The following CDH23 variants were observed in gnomAD, a reference collection of about 807,000 sequenced individuals.
CDH23 encodes cadherin-23.
In CDH23, 189 loss-of-function variants were observed where a neutral mutation model predicts 317.1. The observed-to-expected ratio is 0.60, with a 90% CI of 0.53 to 0.67. The LOEUF is 0.67. CDH23 is among the 30% of genes least tolerant of loss of function. CDH23 has a pLI of 0.00. For synonymous variants in CDH23, 1,839 were observed against 1,876.8 expected, an observed-to-expected ratio of 0.98 and a Z score of 0.52; for missense variants, 4,401 against 4,592.4, an observed-to-expected ratio of 0.96 and a Z score of 1.20.
At chr10:71,784,805 C>T (rs1321794398) in intron 42 of CDH23, 86 bp from the exon 43 acceptor site, 18 of 1,047,918 alleles carry the variant, frequency 1.7e-5, no homozygotes, top group African/African-American at 1.1e-4. Context: ...CCCTCCATGC[C>T]GCCCTTGGCG....
intron 1 of CDH23, among the ~76,000 whole-genome samples, chr10:71,405,008 G>GCAGAAAGGGAAAACAAAAAGGGCAGC (rs1848030028): frequency 6.6e-6 from 1 of 152,106 alleles, no homozygotes; most frequent in Admixed American, 6.5e-5. Flanking sequence ...GAGTGGGAGG[G>GCAGAAAGGGAAAACAAAAAGGGCAGC]CAGAAAGGGA....
chr10:71,611,391 G>C (rs527581589), intron 9 of CDH23, among the ~76,000 whole-genome samples: 1 of 152,294 alleles, frequency 6.6e-6, no homozygotes, highest in East Asian at 1.9e-4. Context: ...CTGTGGCGAG[G>C]CTCTCCTGGC....
At position 71,784,992 on chromosome 10, in the gene CDH23, C is replaced by T. The variant is rs1589419937; in HGVS notation, c.5604C>T (p.Ser1868=). ...TCAGCGAGAACAGCCCTGTCTCCAG[C>T]TTTGTCGCCCATGTCCTGGCCAGTG... The part of the protein sequence containing the change: ...ITISENSPVS[S]FVAHVLASDA... Residue 1868 remains serine, a synonymous_variant, in exon 43 of 70, where the codon AGC becomes AGT. Coordinates refer to ENST00000224721, the MANE Select transcript of CDH23 (RefSeq NM_022124.6). The T allele has an allele frequency of 3.7e-6, 6 of 1,613,958 alleles. No homozygotes were observed. The highest frequency in any genetic ancestry group is 5.1e-6 in the Non-Finnish European group (6 of 1,179,888).
In CDH23 at chr10:71,812,491, T is replaced by A. The variant is rs1459515064; in HGVS notation, c.9392T>A (p.Val3131Glu). ...NKYSFDGANP[V>E]WLDPFCRNLE... The stretch of plus-strand genomic sequence containing the variant: ...CTCCCCAACTGCAGAGCCAACCCTG[T>A]GTGGCTGGATCCCTTCTGTCGGAAC... The change falls in exon 67 of 70, where the codon GTG becomes GAG. Residue 3131 changes from valine (V) to glutamate (E), a missense_variant. Transcript: ENST00000224721. 7.0e-7 allele frequency: 1 copy of A among 1,422,622 alleles called. No individual in the cohort carries two copies. The highest frequency in any genetic ancestry group is 9.4e-7 in the Non-Finnish European group (1 of 1,058,884). The allele number at this position is 1,422,622 out of a possible 1,614,324, so 88.1% of individuals were successfully genotyped here. A position where few individuals can be genotyped will look rare whatever the true frequency, so the allele number is the denominator to read the frequency against.
At chr10:71,812,645 G>A (rs750745200) in intron 67 of CDH23, 36 bp downstream of exon 67, 1 of 1,613,592 alleles carries the variant, frequency 6.2e-7, no homozygotes, top group Non-Finnish European at 8.5e-7. Context: ...CAAGGGGCAG[G>A]GGTGGAGGGG....
At chr10:71,616,517 C>T (rs181060463) in intron 10 of CDH23, among the ~76,000 whole-genome samples, 34 of 152,328 alleles carry the variant, frequency 2.2e-4, no homozygotes, top group Admixed American at 1.2e-3. Context: ...CACCCCACTG[C>T]GGGACTTGAA....
intron 1 of CDH23, among the ~76,000 whole-genome samples, chr10:71,433,652 A>G (rs1174948743): frequency 6.6e-6 from 1 of 151,220 alleles, no homozygotes; most frequent in East Asian, 2.0e-4. Context: ...TGAACTTCCG[A>G]TCTTGTCCCT....
intron 3 of CDH23, among the ~76,000 whole-genome samples, chr10:71,484,724 GT>G (rs894704899): frequency 6.6e-6 from 1 of 152,178 alleles, no homozygotes; most frequent in African/African-American, 2.4e-5. Flanking sequence ...TGTGTCTAAA[GT>G]TTTTTTCATT....
chr10:71,551,247 T>G (rs1856580830), intron 6 of CDH23, among the ~76,000 whole-genome samples: 1 of 152,244 alleles, frequency 6.6e-6, no homozygotes, highest in Non-Finnish European at 1.5e-5. Flanking sequence ...TCATCTGGGT[T>G]TCATTTGTAA....
In CDH23 at chr10:71,760,117, G is replaced by A. The variant is rs144629427; in HGVS notation, c.4846-17563G>A. ...TACACACACACATACATACATATAT[G>A]TGTGTATATATATGTATATACATAT... On this transcript the variant is annotated intron_variant, in intron 38 of 69. Coordinates refer to ENST00000224721, the MANE Select transcript of CDH23 (RefSeq NM_022124.6). Among the ~76,000 whole-genome samples the A allele has an allele frequency of 3.2e-4, 17 of 53,056 alleles. 5 individuals carry two copies. Among genetic ancestry groups the A allele is most frequent in the South Asian group, 1.8e-3 (3 of 1,656 alleles). 34.8% of individuals were successfully genotyped at this position (53,056 alleles called of 152,430 possible). A position where few individuals can be genotyped will look rare whatever the true frequency, so the allele number is the denominator to read the frequency against.
intron 11 of CDH23, among the ~76,000 whole-genome samples, chr10:71,623,866 C>A (rs1468120413): frequency 6.6e-6 from 1 of 152,128 alleles, no homozygotes; most frequent in Non-Finnish European, 1.5e-5. Context: ...TGACCTCAGC[C>A]TTCCACTACC....
chr10:71,801,196 C>T (rs368282753), intron 53 of CDH23, among the ~76,000 whole-genome samples: 1 of 120,880 alleles, frequency 8.3e-6, no homozygotes, highest in African/African-American at 3.2e-5. Flanking sequence ...ACTCTTGTTG[C>T]CCAGGCTGGA....
Position 71,791,195 on chromosome 10 carries a change from A to AGCT in CDH23, c.6124_6126dup (p.Leu2042dup). 1.2e-6 allele frequency: 2 copies of AGCT among 1,612,304 alleles called. No individual in the cohort carries two copies. Among genetic ancestry groups the AGCT allele is most frequent in the Non-Finnish European group, 1.7e-6 (2 of 1,178,796 alleles). The stretch of plus-strand genomic sequence containing the variant: ...GAGGCATTCTCGCCACCCATCCTGG[A>AGCT]GCTGCTGCTGCTGGCTGAGGACATC... On this transcript the variant is annotated inframe_insertion, in exon 47 of 70. Coordinates refer to ENST00000224721, the MANE Select transcript of CDH23 (RefSeq NM_022124.6).
chr10:71,621,566 C>G (rs1022459854), intron 11 of CDH23, among the ~76,000 whole-genome samples: 4 of 152,282 alleles, frequency 2.6e-5, no homozygotes, highest in South Asian at 2.1e-4. Context: ...TGGCCCAGGG[C>G]TTTTTCCAAA....
Position 71,679,344 on chromosome 10 carries a change from T to C in CDH23, c.1753-43T>C, listed in dbSNP as rs1227042. 1,263,425 of 1,317,136 alleles carry C rather than the reference T, an allele frequency of 0.96. 606,967 individuals are homozygous for C. Among genetic ancestry groups the C allele is most frequent in the East Asian group, 1 (42,198 of 42,254 alleles). The allele number at this position is 1,317,136 out of a possible 1,614,324, so 81.6% of individuals were successfully genotyped here. ...CTGCCCACCCTCTTCTGGCCCCCAG[T>C]CTCCTGCAGGCTCACGGCCCTTGTC... On this transcript the variant is annotated intron_variant, in intron 16 of 69. Transcript: ENST00000224721.
intron 3 of CDH23, among the ~76,000 whole-genome samples, chr10:71,458,518 G>T (rs1248904517): frequency 1.3e-5 from 2 of 152,232 alleles, no homozygotes; most frequent in Non-Finnish European, 2.9e-5. Flanking sequence ...TAATGAAAGA[G>T]CTTTAGAAGT....
intron 38 of CDH23, among the ~76,000 whole-genome samples, chr10:71,764,397 A>G (rs1291853237): frequency 2.0e-5 from 3 of 152,152 alleles, no homozygotes; most frequent in Non-Finnish European, 2.9e-5. Context: ...CATAGACACT[A>G]TACTGATGAA....
rs77310431 is a variant in CDH23 at position 71,771,392 on chromosome 10, T to C, written c.4846-6288T>C. On this transcript the variant is annotated intron_variant, in intron 38 of 69. Coordinates refer to ENST00000224721, the MANE Select transcript of CDH23 (RefSeq NM_022124.6). ...GCTGGCCCCGGCCACTCTATCTCAC[T>C]TTCCCTGGCATAAAGGCTTTGACCT... Among the ~76,000 whole-genome samples the C allele has an allele frequency of 5.1e-3, 772 of 152,332 alleles. 9 individuals are homozygous for C. Among genetic ancestry groups the C allele is most frequent in the African/African-American group, 0.018 (731 of 41,578 alleles).
intron 65 of CDH23, 94 bp downstream of exon 65, chr10:71,811,847 C>T: frequency 6.3e-7 from 1 of 1,583,748 alleles, no homozygotes; most frequent in South Asian, 1.1e-5. Flanking sequence ...TCAGGCCCTT[C>T]ACTGGGCCCA....
Sources: gnomAD v4.1 joint callset for allele counts (sites outside exome capture counted in the v4.1 genomes callset) on GRCh38, gnomAD v4.1.1 for gene constraint, MANE v1.5 for transcripts, NCBI Gene and HGNC (gene_info 2026-07-23, HGNC 2026-07-21) for gene names.